CEP152: variants seen among roughly 807,000 people sequenced by gnomAD.
CEP152 encodes centrosomal protein of 152 kDa.
In CEP152, 132 loss-of-function variants were observed where a neutral mutation model predicts 188.9. The observed-to-expected ratio is 0.70, with a 90% confidence interval of 0.61 to 0.81. The LOEUF is 0.81. Among genes scored for constraint, CEP152 ranks in the 30% least tolerant of loss-of-function variants. The probability of loss-of-function intolerance (pLI) is 0.00; values close to 1 mark genes in which losing one functional copy is unlikely to be tolerated. For synonymous variants in CEP152, 649 were observed against 666.6 expected, an observed-to-expected ratio of 0.97 and a Z score of 0.41; for missense variants, 1,914 against 1,969.8, an observed-to-expected ratio of 0.97 and a Z score of 0.54.
chr15:48,768,794 C>G (rs931701299), intron 14 of CEP152, among the ~76,000 whole-genome samples, 162 bp downstream of exon 14: 2 of 152,178 alleles, frequency 1.3e-5, no homozygotes, highest in Admixed American at 6.5e-5. Context: ...TACTAACCAA[C>G]AGTTCACTAG....
At position 48,797,470 on chromosome 15, in the gene CEP152, C is replaced by G. The variant is rs376736548; in HGVS notation, c.371G>C (p.Gly124Ala). ...DRHPVYHPEE[G>A]GDEGGSGYSP... Reference sequence around the variant, plus strand: ...ATAACCACTTCCACCTTCATCTCCACCTTCTTCAGGATGGTACACAGGATG... The same window carrying G: ...ATAACCACTTCCACCTTCATCTCCAGCTTCTTCAGGATGGTACACAGGATG... Residue 124 changes from glycine to alanine, a missense_variant, in exon 5 of 27, where the codon GGT becomes GCT. Transcript: ENST00000380950. 2.5e-6 allele frequency: 4 copies of G among 1,614,072 alleles called. No individual in the cohort carries two copies. In the African/African-American group the frequency reaches 5.3e-5, roughly 22 times the overall value.
At chr15:48,810,038 C>T (rs1299774560) in intron 1 of CEP152, among the ~76,000 whole-genome samples, 1 of 152,178 alleles carries the variant, frequency 6.6e-6, no homozygotes, top group Non-Finnish European at 1.5e-5. Flanking sequence ...TTCAGCTTCT[C>T]TTTAGTTGAG....
At chr15:48,755,265 C>A (rs888637267) in intron 20 of CEP152, among the ~76,000 whole-genome samples, 1 of 151,994 alleles carries the variant, frequency 6.6e-6, no homozygotes, top group Non-Finnish European at 1.5e-5. Context: ...GAGTTTTATG[C>A]GAGTGAGTCG....
chr15:48,758,718 C>CAAAAAAAAAAAAAAA (rs869223881), intron 19 of CEP152, among the ~76,000 whole-genome samples: 2 of 70,444 alleles, frequency 2.8e-5, no homozygotes, highest in Non-Finnish European at 2.5e-5. Flanking sequence ...GACTCCATCT[C>CAAAAAAAAAAAAAAA]AAAAAAAAAA....
At chr15:48,735,277 G>A (rs528769308), downstream of CEP152, among the ~76,000 whole-genome samples, 3 of 152,236 alleles carry the variant, frequency 2.0e-5, no homozygotes, top group East Asian at 1.9e-4. Context: ...AAGAAAAATC[G>A]CAAGGGAAGT....
chr15:48,736,125 A>G (rs764552607), downstream of CEP152, among the ~76,000 whole-genome samples: 1 of 152,188 alleles, frequency 6.6e-6, no homozygotes, highest in East Asian at 1.9e-4. Flanking sequence ...CTATAACAAG[A>G]AAATACATTA....
intron 23 of CEP152, 133 bp downstream of exon 23, chr15:48,744,763 A>G: frequency 1.2e-6 from 1 of 848,090 alleles, no homozygotes; most frequent in Non-Finnish European, 1.8e-6. Flanking sequence ...TCTTCAGGAA[A>G]TAAGGTTTTG....
chr15:48,744,169 T>C (rs549403186), intron 24 of CEP152, 71 bp downstream of exon 24: 1 of 1,585,028 alleles, frequency 6.3e-7, no homozygotes, highest in East Asian at 2.3e-5. Context: ...GCTGGTAAAC[T>C]CTGAGTTTAC....
intron 19 of CEP152, among the ~76,000 whole-genome samples, chr15:48,758,629 G>A (rs1253581685): frequency 1.4e-5 from 2 of 143,808 alleles, no homozygotes; most frequent in Admixed American, 7.2e-5. Context: ...AGAGGCAGGA[G>A]AATCGCTTGA....
intron 12 of CEP152, among the ~76,000 whole-genome samples, chr15:48,775,667 G>A (rs1895845005): frequency 6.6e-6 from 1 of 152,144 alleles, no homozygotes; most frequent in South Asian, 2.1e-4. Flanking sequence ...CTATTTATAT[G>A]AAATGCACAG....
At chr15:48,799,453 A>C (rs922678967) in intron 2 of CEP152, among the ~76,000 whole-genome samples, 7 of 152,048 alleles carry the variant, frequency 4.6e-5, no homozygotes, top group Admixed American at 3.3e-4. Flanking sequence ...CTCTATATTT[A>C]TTTCTCATAT....
At chr15:48,749,952 A>G (rs144894904) in intron 21 of CEP152, among the ~76,000 whole-genome samples, 119 of 152,246 alleles carry the variant, frequency 7.8e-4, no homozygotes, top group African/African-American at 2.8e-3. Flanking sequence ...ACAAGAAAAT[A>G]TTCATATTCC....
intron 5 of CEP152, among the ~76,000 whole-genome samples, chr15:48,797,098 G>A (rs1247236893): frequency 2.0e-5 from 3 of 152,174 alleles, no homozygotes; most frequent in African/African-American, 7.2e-5. Flanking sequence ...TTAAACTTCT[G>A]ACTTAAGATC....
At chr15:48,784,902 C>T (rs927449596) in intron 9 of CEP152, among the ~76,000 whole-genome samples, 5 of 152,230 alleles carry the variant, frequency 3.3e-5, no homozygotes, top group Admixed American at 1.3e-4. Context: ...TAATAAACCA[C>T]GGGAGTCCTG....
At chr15:48,778,785 A>G (rs1429155757) in intron 12 of CEP152, among the ~76,000 whole-genome samples, 1 of 152,106 alleles carries the variant, frequency 6.6e-6, no homozygotes, top group Non-Finnish European at 1.5e-5. Context: ...CCCCGTCTCT[A>G]CTAAAAATAC....
At chr15:48,788,197 T>TACAC (rs1159842234) in intron 9 of CEP152, among the ~76,000 whole-genome samples, 1 of 152,184 alleles carries the variant, frequency 6.6e-6, no homozygotes. Flanking sequence ...ATAAACAACA[T>TACAC]ACACAAATAC....
chr15:48,738,750 A>G lies in CEP152; in HGVS notation c.4632T>C (p.Ser1544=), dbSNP rs1892744174. The change falls in exon 27 of 27, where the codon AGT becomes AGC. Residue 1544 remains serine (S), a synonymous_variant. Coordinates refer to ENST00000380950, the MANE Select transcript of CEP152 (RefSeq NM_001194998.2). Reference sequence around the variant, plus strand: ...GACTTTTCTCAGATGCAGCATTTTCACTTTCCATTAGTGGATTGCATTTAT... The same window carrying G: ...GACTTTTCTCAGATGCAGCATTTTCGCTTTCCATTAGTGGATTGCATTTAT... ...KVYKCNPLME[S]ENAASEKSQG... is the part of the protein sequence containing the mutation. 2 of 1,614,154 alleles carry G rather than the reference A, an allele frequency of 1.2e-6. No homozygotes were observed. The highest frequency in any genetic ancestry group is 2.2e-5 in the East Asian group (1 of 44,886).
chr15:48,746,783 T>C (rs887127870), intron 22 of CEP152, among the ~76,000 whole-genome samples: 6 of 152,048 alleles, frequency 3.9e-5, no homozygotes, highest in Middle Eastern at 3.2e-3. Flanking sequence ...ACAAGGATGG[T>C]GAATGTTATA....
chr15:48,794,443 A>G (rs1470342202), intron 6 of CEP152, among the ~76,000 whole-genome samples: 2 of 152,226 alleles, frequency 1.3e-5, no homozygotes, highest in Non-Finnish European at 2.9e-5. Flanking sequence ...TTAAATAAAG[A>G]AAATTAAAGA....
Sources: gnomAD v4.1 joint callset for allele counts (sites outside exome capture counted in the v4.1 genomes callset) on GRCh38, gnomAD v4.1.1 for gene constraint, MANE v1.5 for transcripts, NCBI Gene and HGNC (gene_info 2026-07-23, HGNC 2026-07-21) for gene names.